The following ANKS1B variants were observed in gnomAD, a reference collection of about 807,000 sequenced individuals.
The protein encoded by ANKS1B is ankyrin repeat and sterile alpha motif domain containing 1B.
ANKS1B carries 36 observed loss-of-function variants against 148.3 expected under a neutral mutation model. The observed-to-expected ratio is 0.24, with a 90% confidence interval of 0.19 to 0.32. ANKS1B has a LOEUF of 0.32. ANKS1B is among the 10% of genes least tolerant of loss of function. The pLI is 1.00. For synonymous variants in ANKS1B, 542 were observed against 560.8 expected, an observed-to-expected ratio of 0.97 and a Z score of 0.47; for missense variants, 1,157 against 1,542.6, an observed-to-expected ratio of 0.75 and a Z score of 4.19.
chr12:99,252,091 G>A (rs1167103555), intron 12 of ANKS1B, among the ~76,000 whole-genome samples: 1 of 152,214 alleles, frequency 6.6e-6, no homozygotes, highest in African/African-American at 2.4e-5. Context: ...AGGCAATTAG[G>A]AAATGTCTTT....
At chr12:99,256,065 C>T (rs1460283742) in intron 12 of ANKS1B, among the ~76,000 whole-genome samples, 1 of 151,854 alleles carries the variant, frequency 6.6e-6, no homozygotes, top group African/African-American at 2.4e-5. Context: ...ATCTGGCCAA[C>T]ATGGTGAAAC....
intron 10 of ANKS1B, among the ~76,000 whole-genome samples, chr12:99,478,434 T>C (rs1366279388): frequency 1.3e-5 from 2 of 152,016 alleles, no homozygotes; most frequent in African/African-American, 4.8e-5. Flanking sequence ...TTAGTTTGGG[T>C]TTAGTAATAT....
chr12:99,379,877 CT>C (rs369293894), intron 12 of ANKS1B, among the ~76,000 whole-genome samples: 6 of 152,160 alleles, frequency 3.9e-5, no homozygotes, highest in African/African-American at 1.2e-4. Context: ...ATTATGTGTT[CT>C]GAAAGTTGTA....
chr12:99,830,866 T>C (rs2083883393), intron 1 of ANKS1B, among the ~76,000 whole-genome samples: 1 of 152,188 alleles, frequency 6.6e-6, no homozygotes, highest in African/African-American at 2.4e-5. Context: ...GCTTGCACCT[T>C]ATGACTGTTG....
chr12:99,112,414 G>C (rs763983435), intron 15 of ANKS1B, among the ~76,000 whole-genome samples: 8 of 150,878 alleles, frequency 5.3e-5, no homozygotes, highest in Non-Finnish European at 1.2e-4. Flanking sequence ...CTTTCCTAAG[G>C]CTTTTCTGAT....
At chr12:99,434,281 T>C (rs1297331996) in intron 11 of ANKS1B, among the ~76,000 whole-genome samples, 1 of 152,160 alleles carries the variant, frequency 6.6e-6, no homozygotes, top group Non-Finnish European at 1.5e-5. Flanking sequence ...AAAGCAATAA[T>C]GCCAACTCTA....
At chr12:98,838,009 G>A (rs541996859) in intron 17 of ANKS1B, among the ~76,000 whole-genome samples, 2 of 152,210 alleles carry the variant, frequency 1.3e-5, no homozygotes, top group South Asian at 4.2e-4. Context: ...CCATGATTAT[G>A]TTTTGTGGTG....
In ANKS1B at chr12:99,359,379, G is replaced by A. The variant is rs12580615; in HGVS notation, c.1756+40252C>T. On this transcript the variant is annotated intron_variant, in intron 12 of 26. Coordinates refer to ENST00000683438, the MANE Select transcript of ANKS1B (RefSeq NM_001352186.2). ...TAGTTTCATACTCATTATTCTCCAG[G>A]GTTCATTGCTTACTACCTATGTGGC... 3.7e-3 allele frequency among the ~76,000 whole-genome samples: 557 copies of A among 151,620 alleles called. 31 individuals are homozygous for A. The East Asian group carries it at 0.085, about 23-fold the overall frequency.
intron 8 of ANKS1B, among the ~76,000 whole-genome samples, chr12:99,687,256 T>C (rs944411530): frequency 4.6e-5 from 7 of 152,184 alleles, no homozygotes; most frequent in Admixed American, 4.6e-4. Context: ...TGGCTGCTTT[T>C]AGGATTCTTC....
intron 17 of ANKS1B, among the ~76,000 whole-genome samples, chr12:99,000,242 CTTCTT>C (rs1013729808): frequency 9.8e-4 from 147 of 149,418 alleles, no homozygotes; most frequent in Middle Eastern, 7.0e-3. Context: ...GGTGAAGGGC[CTTCTT>C]TTCTTTTCTT....
chr12:99,728,563 A>G (rs1039599241), intron 8 of ANKS1B, among the ~76,000 whole-genome samples: 1 of 152,182 alleles, frequency 6.6e-6, no homozygotes, highest in Non-Finnish European at 1.5e-5. Flanking sequence ...GGACGACAGT[A>G]TGGCAATTCG....
At chr12:99,018,103 G>A (rs901159441) in intron 17 of ANKS1B, among the ~76,000 whole-genome samples, 1 of 152,142 alleles carries the variant, frequency 6.6e-6, no homozygotes, top group African/African-American at 2.4e-5. Flanking sequence ...GATTGTCACA[G>A]TATAAAGGGC....
chr12:99,225,594 CA>C (rs2085795932), intron 14 of ANKS1B, among the ~76,000 whole-genome samples: 1 of 152,014 alleles, frequency 6.6e-6, no homozygotes, highest in Non-Finnish European at 1.5e-5. Flanking sequence ...AGCGTGGCTA[CA>C]AAAAAGCAGG....
Position 99,855,722 on chromosome 12 carries a change from C to A in ANKS1B, c.135-30333G>T, listed in dbSNP as rs142494726. ...AATTATAGCAAGTACTCTCTCAAAC[C>A]ACAGTGAAATAAAATGGAAAATCAA... On this transcript the variant is annotated intron_variant, in intron 1 of 26. Transcript: ENST00000683438. Among the ~76,000 whole-genome samples the A allele has an allele frequency of 1.8e-3, 267 of 152,142 alleles. 1 individual carries two copies. Among genetic ancestry groups the A allele is most frequent in the African/African-American group, 5.9e-3 (244 of 41,504 alleles).
Position 99,806,385 on chromosome 12 carries a change from T to C in ANKS1B, c.669+19A>G, listed in dbSNP as rs1411582032. The C allele has an allele frequency of 2.5e-6, 4 of 1,611,332 alleles. No individual in the cohort carries two copies. The highest frequency in any genetic ancestry group is 2.2e-5 in the East Asian group (1 of 44,828). On this transcript the variant is annotated intron_variant, in intron 4 of 26. Coordinates refer to ENST00000683438, the MANE Select transcript of ANKS1B (RefSeq NM_001352186.2). ...CAACAGCATCATCACTTTTAAAGCA[T>C]AGCTAAAAGCACACTCACTTGACAG...
chr12:99,953,017 C>T lies in ANKS1B; in HGVS notation c.134+31087G>A, dbSNP rs1321123571. ...AACACCACAATAATAAAGCAGATAT[C>T]CAATGATTGAAAACACAGGTGAAGC... On this transcript the variant is annotated intron_variant, in intron 1 of 26. Coordinates refer to ENST00000683438, the MANE Select transcript of ANKS1B (RefSeq NM_001352186.2). Among the ~76,000 whole-genome samples, 4 of 152,122 alleles carry T rather than the reference C, an allele frequency of 2.6e-5. No individual in the cohort carries two copies. The East Asian group carries it at 7.7e-4, about 29-fold the overall frequency.
chr12:99,782,043 C>T lies in ANKS1B; in HGVS notation c.724G>A (p.Val242Ile), dbSNP rs1237650528. Reference sequence around the variant, plus strand: ...TTACCTGTTTCTAACAGAACTCGTACAACATCCACCTTTCCAAACAAAGCT... The same window carrying T: ...TTACCTGTTTCTAACAGAACTCGTATAACATCCACCTTTCCAAACAAAGCT... ...EAALFGKVDV[V>I]RVLLETGIDA... Residue 242 changes from valine to isoleucine, a missense_variant, in exon 5 of 27, where the codon GTA becomes ATA. Transcript: ENST00000683438. The T allele has an allele frequency of 1.2e-6, 2 of 1,605,652 alleles. No homozygotes were observed. Among genetic ancestry groups the T allele is most frequent in the Non-Finnish European group, 1.7e-6 (2 of 1,176,230 alleles).
intron 11 of ANKS1B, among the ~76,000 whole-genome samples, chr12:99,401,038 TC>T (rs149752439): frequency 0.019 from 2,775 of 146,142 alleles, 480 homozygotes; most frequent in African/African-American, 0.068. Context: ...TATGATTTAT[TC>T]TTTCACCAAT....
intron 9 of ANKS1B, among the ~76,000 whole-genome samples, chr12:99,629,819 A>T (rs953127828): frequency 1.3e-4 from 20 of 152,090 alleles, no homozygotes; most frequent in African/African-American, 4.6e-4. Flanking sequence ...TGCTTTAAAA[A>T]CATTCTCTAA....
Sources: gnomAD v4.1 joint callset for allele counts (sites outside exome capture counted in the v4.1 genomes callset) on GRCh38, gnomAD v4.1.1 for gene constraint, MANE v1.5 for transcripts, NCBI Gene and HGNC (gene_info 2026-07-23, HGNC 2026-07-21) for gene names.